The following SLC5A7 variants were observed in gnomAD, a reference collection of about 807,000 sequenced individuals.
The protein encoded by SLC5A7 is high affinity choline transporter 1.
In SLC5A7, 19 loss-of-function variants were observed where a neutral mutation model predicts 55.4. The observed-to-expected ratio is 0.34, with a 90% CI of 0.24 to 0.50. SLC5A7 has a LOEUF of 0.50. SLC5A7 is among the 20% of genes least tolerant of loss of function. The pLI is 0.98. For missense variants in SLC5A7, 506 were observed against 705.3 expected, an observed-to-expected ratio of 0.72 and a Z score of 3.20; for synonymous variants, 265 against 263.7, an observed-to-expected ratio of 1.00 and a Z score of -0.05.
intron 2 of SLC5A7, among the ~76,000 whole-genome samples, chr2:107,990,469 C>A (rs188480289): frequency 1.3e-5 from 2 of 151,974 alleles, no homozygotes; most frequent in Non-Finnish European, 2.9e-5. Context: ...AAGTTTTCTG[C>A]CTGTAAGAAT....
chr2:107,994,319 C>T (rs1677572718), intron 4 of SLC5A7, among the ~76,000 whole-genome samples: 1 of 152,202 alleles, frequency 6.6e-6, no homozygotes, highest in African/African-American at 2.4e-5. Context: ...CGCGGTGGCT[C>T]ACGCCTGTAA....
rs1351119182 is a variant in SLC5A7, at chr2:108,012,320, A to G, written c.*1459A>G. ...AAAAGTGATCAGGGAATCTGATCCC[A>G]TAAAGAAAGTGAGTCTGAATTGTTG... On this transcript the variant is annotated 3_prime_UTR_variant, in exon 9 of 9. Coordinates refer to ENST00000264047, the MANE Select transcript of SLC5A7 (RefSeq NM_021815.5). The G allele has an allele frequency of 6.6e-6, 1 of 152,192 alleles. No individual in the cohort carries two copies. Among genetic ancestry groups the G allele is most frequent in the Non-Finnish European group, 1.5e-5 (1 of 68,024 alleles). 9.4% of individuals were successfully genotyped at this position (152,192 alleles called of 1,614,324 possible). A position where few individuals can be genotyped will look rare whatever the true frequency, so the allele number is the denominator to read the frequency against.
In SLC5A7 at chr2:108,013,777, C is replaced by A. The variant is rs924274219; in HGVS notation, c.*2916C>A. ...TGAGTAATTTAAATGCTTTGTTTTC[C>A]CACACATATTCAAATCAGCAAGCTT... is the stretch of plus-strand genomic sequence containing the variant. On this transcript the variant is annotated 3_prime_UTR_variant, in exon 9 of 9. Coordinates refer to ENST00000264047, the MANE Select transcript of SLC5A7 (RefSeq NM_021815.5). 7 of 151,914 alleles carry A rather than the reference C, an allele frequency of 4.6e-5. No homozygotes were observed. Among genetic ancestry groups the A allele is most frequent in the Admixed American group, 3.3e-4 (5 of 15,232 alleles). The allele number at this position is 151,914 out of a possible 1,614,324, so 9.4% of individuals were successfully genotyped here. A position where few individuals can be genotyped will look rare whatever the true frequency, so the allele number is the denominator to read the frequency against.
In SLC5A7 at chr2:107,993,044, A is replaced by T. The variant is rs150217056; in HGVS notation, c.365A>T (p.Tyr122Phe). 1.2e-6 allele frequency: 2 copies of T among 1,614,224 alleles called. No homozygotes were observed. Among genetic ancestry groups the T allele is most frequent in the Non-Finnish European group, 1.7e-6 (2 of 1,180,032 alleles). The change falls in exon 4 of 9, where the codon TAT becomes TTT. Residue 122 changes from tyrosine (Y) to phenylalanine (F), a missense_variant. Around this residue, in one of 4 missense-constraint regions of SLC5A7, gnomAD observed 309 missense variants for 478.6 expected, o/e 0.65. Coordinates refer to ENST00000264047, the MANE Select transcript of SLC5A7 (RefSeq NM_021815.5). Reference sequence around the variant, plus strand: ...ATGTTAGACCCGTTTCAGCAAATCTATGGAAAACGCATGGGCGGACTCCTG... The same window carrying T: ...ATGTTAGACCCGTTTCAGCAAATCTTTGGAAAACGCATGGGCGGACTCCTG... Reference protein sequence around the residue: ...VTMLDPFQQIYGKRMGGLLFI... With the variant: ...VTMLDPFQQIFGKRMGGLLFI...
intron 2 of SLC5A7, among the ~76,000 whole-genome samples, chr2:107,989,881 A>G (rs1677382571): frequency 6.6e-6 from 1 of 152,116 alleles, no homozygotes; most frequent in Non-Finnish European, 1.5e-5. Flanking sequence ...TACCATTTAG[A>G]ATGGTTTTTT....
chr2:108,004,991 G>T (rs1482984805), intron 6 of SLC5A7, among the ~76,000 whole-genome samples: 5 of 151,822 alleles, frequency 3.3e-5, no homozygotes, highest in African/African-American at 1.2e-4. Context: ...GTTTTTTATT[G>T]TATATGCTCA....
Position 107,988,109 on chromosome 2 carries a change from C to A in SLC5A7, c.-47C>A, listed in dbSNP as rs1677316303. 6.3e-7 allele frequency: 1 copy of A among 1,588,130 alleles called. No homozygotes were observed. Among genetic ancestry groups the A allele is most frequent in the East Asian group, 2.2e-5 (1 of 44,554 alleles). ...GCATCCCTGTATTTTCTTCAGAAGA[C>A]TTAATGAAGTAGCCAGCTGCAGAAG... On this transcript the variant is annotated 5_prime_UTR_variant, in exon 2 of 9. Transcript: ENST00000264047.
At position 108,011,058 on chromosome 2, in the gene SLC5A7, C is replaced by T. The variant is rs1295339943; in HGVS notation, c.*197C>T. The T allele has an allele frequency of 8.5e-6, 4 of 473,126 alleles. No individual in the cohort carries two copies. Among genetic ancestry groups the T allele is most frequent in the East Asian group, 3.4e-5 (1 of 29,386 alleles). 29.3% of individuals were successfully genotyped at this position (473,126 alleles called of 1,614,324 possible). ...CTATGAAAGCAACAACTTTGTTTCT[C>T]ATCCATAGTAGTATTGATTTTGATG... is the stretch of plus-strand genomic sequence containing the variant. On this transcript the variant is annotated 3_prime_UTR_variant, in exon 9 of 9. Coordinates refer to ENST00000264047, the MANE Select transcript of SLC5A7 (RefSeq NM_021815.5).
chr2:107,989,794 T>C (rs1036018407), intron 2 of SLC5A7, among the ~76,000 whole-genome samples: 2 of 152,200 alleles, frequency 1.3e-5, no homozygotes, highest in African/African-American at 4.8e-5. Flanking sequence ...TTATTGAAAA[T>C]AATTATAGCC....
rs955302956 is a variant in SLC5A7, at chr2:107,992,052, T to G, written c.179-54T>G. The G allele has an allele frequency of 1.4e-5, 16 of 1,120,636 alleles. No homozygotes were observed. The African/African-American group carries it at 2.5e-4, about 17-fold the overall frequency. The allele number at this position is 1,120,636 out of a possible 1,614,324, so 69.4% of individuals were successfully genotyped here. Reference sequence around the variant, plus strand: ...AGTAGCCACTGGTTTGGCAGGCAGATGTAGGTATAACAGGTAAGACAGTAT... The same window carrying G: ...AGTAGCCACTGGTTTGGCAGGCAGAGGTAGGTATAACAGGTAAGACAGTAT... On this transcript the variant is annotated intron_variant, in intron 2 of 8. Transcript: ENST00000264047.
chr2:107,997,793 A>G, intron 4 of SLC5A7, 45 bp from the exon 5 acceptor site: 1 of 1,526,222 alleles, frequency 6.6e-7, no homozygotes, highest in Non-Finnish European at 8.8e-7. Context: ...AAAGAGCAGA[A>G]TCTGTCTGGG....
chr2:107,991,646 G>C (rs1052567901), intron 2 of SLC5A7, among the ~76,000 whole-genome samples: 1 of 152,038 alleles, frequency 6.6e-6, no homozygotes, highest in African/African-American at 2.4e-5. Flanking sequence ...CGTGAGGACA[G>C]TATAAAAACA....
In SLC5A7 at chr2:107,999,180, C is replaced by T. The variant is rs544203831; in HGVS notation, c.597+1194C>T. 3.2e-3 allele frequency among the ~76,000 whole-genome samples: 480 copies of T among 152,304 alleles called. 1 individual carries two copies. The highest frequency in any genetic ancestry group is 0.011 in the African/African-American group (461 of 41,556). ...TGAGAATATTTAATTTGCTCAAGGACTCCCACTATTTTGTATTTAAATTAC... is the reference window on the plus strand; with the variant it reads ...TGAGAATATTTAATTTGCTCAAGGATTCCCACTATTTTGTATTTAAATTAC... On this transcript the variant is annotated intron_variant, in intron 5 of 8. Transcript: ENST00000264047.
Position 108,008,561 on chromosome 2 carries a change from A to G in SLC5A7, c.992A>G (p.Tyr331Cys). The G allele has an allele frequency of 6.2e-7, 1 of 1,613,550 alleles. No individual in the cohort carries two copies. Among genetic ancestry groups the G allele is most frequent in the Non-Finnish European group, 8.5e-7 (1 of 1,179,818 alleles). The stretch of plus-strand genomic sequence containing the variant: ...GTTCTGCAGTATCTCTGCCCTGTGT[A>G]TATTTCTTTCTTTGGTCTTGGTGCA... ...PIVLQYLCPV[Y>C]ISFFGLGAVS... Residue 331 changes from tyrosine to cysteine, a missense_variant, in exon 8 of 9, where the codon TAT becomes TGT. By Grantham distance (194) the Tyr-to-Cys change is radical (BLOSUM62 -2). Coordinates refer to ENST00000264047, the MANE Select transcript of SLC5A7 (RefSeq NM_021815.5).
intron 7 of SLC5A7, 56 bp from the exon 8 acceptor site, chr2:108,008,409 G>T: frequency 1.1e-5 from 15 of 1,417,342 alleles, no homozygotes; most frequent in Non-Finnish European, 1.5e-5. Context: ...ACCCCAGATG[G>T]ATAAAGAACA....
rs1301660685 is a variant in SLC5A7 at position 107,997,992 on chromosome 2, T to C, written c.597+6T>C. The C allele has an allele frequency of 6.2e-7, 1 of 1,608,050 alleles. No homozygotes were observed. The highest frequency in any genetic ancestry group is 8.5e-7 in the Non-Finnish European group (1 of 1,177,780). ...TTTGCATTTTTGTAGGGCTGGTAAG[T>C]GGGAGCACCCAAGATTCTCCTCCTT... On this transcript the variant is annotated splice_donor_region_variant and intron_variant, in intron 5 of 8. Transcript: ENST00000264047.
At chr2:108,005,910 A>T in intron 6 of SLC5A7, 139 bp from the exon 7 acceptor site, 1 of 935,120 alleles carries the variant, frequency 1.1e-6, no homozygotes, top group Non-Finnish European at 1.6e-6. Flanking sequence ...AATGATACTA[A>T]TTGATATTTG....
chr2:107,996,310 C>T (rs1471082792), intron 4 of SLC5A7, among the ~76,000 whole-genome samples: 3 of 152,134 alleles, frequency 2.0e-5, no homozygotes, highest in African/African-American at 7.2e-5. Context: ...ATCTCTCATC[C>T]TTGTCTTCAT....
chr2:108,013,510 A>T lies in SLC5A7; in HGVS notation c.*2649A>T, dbSNP rs1162945003. ...ATCACAAAGCTGTGAAATGTGCAAG[A>T]GTATACTTTGTACCCATCATGTGCT... On this transcript the variant is annotated 3_prime_UTR_variant, in exon 9 of 9. Coordinates refer to ENST00000264047, the MANE Select transcript of SLC5A7 (RefSeq NM_021815.5). 1.3e-5 allele frequency: 2 copies of T among 152,290 alleles called. No homozygotes were observed. Among genetic ancestry groups the T allele is most frequent in the South Asian group, 4.1e-4 (2 of 4,834 alleles). The allele number at this position is 152,290 out of a possible 1,614,324, so 9.4% of individuals were successfully genotyped here. A position where few individuals can be genotyped will look rare whatever the true frequency, so the allele number is the denominator to read the frequency against.
Sources: allele counts gnomAD v4.1 joint callset (sites outside exome capture counted in the v4.1 genomes callset), GRCh38; gene constraint gnomAD v4.1.1; regional missense constraint gnomAD v4.1.1; transcripts MANE v1.5; gene names NCBI Gene and HGNC (gene_info 2026-07-23, HGNC 2026-07-21).